AUTS2: variants seen among roughly 807,000 people sequenced by gnomAD.
AUTS2 encodes the protein activator of transcription and developmental regulator AUTS2, also known as autism susceptibility gene 2 protein.
A neutral mutation model predicts 112.4 loss-of-function variants in AUTS2; 17 were observed. The observed-to-expected ratio is 0.15, with a 90% CI of 0.10 to 0.23. The LOEUF (loss-of-function observed/expected upper bound fraction) is 0.23. Ranked by LOEUF, AUTS2 falls within the 10% of genes least tolerant of loss-of-function variation. AUTS2 has a pLI of 1.00. For missense variants in AUTS2, 1,510 were observed against 1,701.6 expected (o/e 0.89, Z 1.98); for synonymous variants, 751 against 702.7 (o/e 1.07, Z -1.09).
At chr7:70,499,063 G>A (rs928923124) in intron 5 of AUTS2, among the ~76,000 whole-genome samples, 1 of 152,190 alleles carries the variant, frequency 6.6e-6, no homozygotes, top group Non-Finnish European at 1.5e-5. Context: ...CTTCTACCGT[G>A]TTGAGTCTTG....
At chr7:69,960,486 C>T (rs2129546909) in intron 2 of AUTS2, among the ~76,000 whole-genome samples, 1 of 152,248 alleles carries the variant, frequency 6.6e-6, no homozygotes, top group East Asian at 1.9e-4. Context: ...TCATGCTGCA[C>T]AACCAGTTAA....
In AUTS2 at chr7:70,243,373, A is replaced by G. The variant is rs17683924; in HGVS notation, c.660+108802A>G. Among the ~76,000 whole-genome samples the G allele has an allele frequency of 3.2e-3, 483 of 151,814 alleles. 14 individuals are homozygous for G. The East Asian group carries it at 0.07, about 22-fold the overall frequency. On this transcript the variant is annotated intron_variant, in intron 4 of 18. Transcript: ENST00000342771. ...TTTATGATGTTCTGTGTTCCTTTGA[A>G]GGTTGATCAGGCATGAGTGGTGGAT...
chr7:70,117,749 CTTT>C (rs202124430), intron 2 of AUTS2, among the ~76,000 whole-genome samples: 2 of 144,012 alleles, frequency 1.4e-5, no homozygotes, highest in Non-Finnish European at 1.5e-5. Flanking sequence ...ATTGTTCACT[CTTT>C]TTTTTTTTTT....
chr7:70,075,113 G>C (rs1014685218), intron 2 of AUTS2, among the ~76,000 whole-genome samples: 2 of 152,160 alleles, frequency 1.3e-5, no homozygotes, highest in Non-Finnish European at 2.9e-5. Flanking sequence ...TTTGCTTTCA[G>C]CTTCTGCTTA....
At chr7:69,972,991 G>A (rs958852142) in intron 2 of AUTS2, among the ~76,000 whole-genome samples, 5 of 151,574 alleles carry the variant, frequency 3.3e-5, no homozygotes, top group Non-Finnish European at 7.4e-5. Context: ...AAATCTTTCC[G>A]GTGTTTTGAT....
chr7:70,013,039 T>G (rs939988381), intron 2 of AUTS2, among the ~76,000 whole-genome samples: 4 of 152,158 alleles, frequency 2.6e-5, no homozygotes, highest in Non-Finnish European at 4.4e-5. Flanking sequence ...ATCTAGCACA[T>G]TTCAATGAAA....
At chr7:70,619,106 G>T (rs1042853557) in intron 5 of AUTS2, among the ~76,000 whole-genome samples, 7 of 152,042 alleles carry the variant, frequency 4.6e-5, no homozygotes, top group East Asian at 1.9e-4. Context: ...GCTCTCCCTG[G>T]GTCTCCCTTT....
Position 70,790,841 on chromosome 7 carries a change from A to G in AUTS2, c.3625A>G (p.Asn1209Asp), listed in dbSNP as rs2129561777. ...PTAGNQNGLL[N>D]KTPPTAALSA... is the part of the protein sequence containing the mutation. ...CGCGGGCAACCAGAACGGACTCCTC[A>G]ACAAGACCCCTCCGACAGCAGCGCT... Residue 1209 changes from asparagine to aspartate, a missense_variant, in exon 19 of 19, where the codon AAC becomes GAC. By Grantham distance (23) the Asn-to-Asp change is conservative. Coordinates refer to ENST00000342771, the MANE Select transcript of AUTS2 (RefSeq NM_015570.4). The surrounding 1 kb of genome is among the most constrained non-coding windows in gnomAD (Gnocchi z 7.6). 1 of 1,607,056 alleles carries G rather than the reference A, an allele frequency of 6.2e-7. No homozygotes were observed. The highest frequency in any genetic ancestry group is 1.7e-4 in the Middle Eastern group (1 of 6,014).
chr7:70,099,375 G>C (rs924009463), intron 2 of AUTS2, among the ~76,000 whole-genome samples: 1 of 152,106 alleles, frequency 6.6e-6, no homozygotes, highest in Non-Finnish European at 1.5e-5. Flanking sequence ...TTGGATCTTA[G>C]CATCTTCCTT....
chr7:70,107,466 C>T (rs1804830604), intron 2 of AUTS2, among the ~76,000 whole-genome samples: 2 of 150,420 alleles, frequency 1.3e-5, no homozygotes, highest in Non-Finnish European at 3.0e-5. Context: ...GCCTCAGCCT[C>T]CCGAGTAGCT....
intron 4 of AUTS2, among the ~76,000 whole-genome samples, chr7:70,360,576 C>T (rs1017842079): frequency 6.6e-6 from 1 of 152,244 alleles, no homozygotes; most frequent in Non-Finnish European, 1.5e-5. Flanking sequence ...GACCCCGGCT[C>T]ATGGTGGCCT....
intron 1 of AUTS2, among the ~76,000 whole-genome samples, chr7:69,620,499 T>G (rs908763958): frequency 7.2e-5 from 11 of 152,178 alleles, no homozygotes; most frequent in African/African-American, 2.7e-4. Flanking sequence ...AAAAGAAATC[T>G]TAAAGCTTTT....
chr7:70,429,230 G>A (rs746040383), intron 4 of AUTS2, among the ~76,000 whole-genome samples: 1 of 152,202 alleles, frequency 6.6e-6, no homozygotes, highest in Non-Finnish European at 1.5e-5. Context: ...AGATTGACTT[G>A]TCAGTATAAT....
At chr7:70,511,608 C>T (rs1235442580) in intron 5 of AUTS2, among the ~76,000 whole-genome samples, 1 of 100,752 alleles carries the variant, frequency 9.9e-6, no homozygotes, top group African/African-American at 3.9e-5. Context: ...CAGAGTCTCA[C>T]TCTGTTGTCC....
intron 5 of AUTS2, among the ~76,000 whole-genome samples, chr7:70,474,250 T>C (rs1797498359): frequency 6.6e-6 from 1 of 152,334 alleles, no homozygotes; most frequent in South Asian, 2.1e-4. Context: ...GTAATCTGAC[T>C]CACAAGATGA....
intron 1 of AUTS2, among the ~76,000 whole-genome samples, chr7:69,811,856 G>A (rs1448892299): frequency 1.3e-5 from 2 of 152,128 alleles, no homozygotes; most frequent in Non-Finnish European, 2.9e-5. Flanking sequence ...GCCCCTGGAG[G>A]GCAAAGACTA....
chr7:70,392,567 T>C (rs1052029732), intron 4 of AUTS2, among the ~76,000 whole-genome samples: 2 of 152,232 alleles, frequency 1.3e-5, no homozygotes, highest in Admixed American at 1.3e-4. Flanking sequence ...AAGATTATTA[T>C]ATTAAGTGTA....
chr7:69,897,593 A>C lies in AUTS2; in HGVS notation c.310-1693A>C, dbSNP rs529761060. ...CGTCTCTACTAAAAATACAAAAAAA[A>C]AAAAAAACAAAAAAAATGGCTGGGT... On this transcript the variant is annotated intron_variant, in intron 1 of 18. Transcript: ENST00000342771. Among the ~76,000 whole-genome samples the C allele has an allele frequency of 2.5e-3, 372 of 151,794 alleles. 2 individuals carry two copies. The highest frequency in any genetic ancestry group is 8.5e-3 in the African/African-American group (352 of 41,416).
chr7:69,872,834 CTTTTTTTT>C (rs1164356683), intron 1 of AUTS2, among the ~76,000 whole-genome samples: 8 of 70,406 alleles, frequency 1.1e-4, no homozygotes, highest in Admixed American at 3.2e-4. Flanking sequence ...AGCCTATATT[CTTTTTTTT>C]TTTTTTTTTT....
Sources: allele counts gnomAD v4.1 joint callset (sites outside exome capture counted in the v4.1 genomes callset), GRCh38; gene constraint gnomAD v4.1.1; non-coding constraint Gnocchi (gnomAD v3.1); transcripts MANE v1.5; gene names NCBI Gene and HGNC (gene_info 2026-07-23, HGNC 2026-07-21).